IRAK3: variants seen among roughly 807,000 people sequenced by gnomAD.
The protein encoded by IRAK3 is interleukin 1 receptor associated kinase 3.
Under a neutral mutation model 56.6 loss-of-function variants are expected in IRAK3, and 57 were observed. That is an observed-to-expected ratio of 1.01 (90% confidence interval 0.81 to 1.26). The LOEUF (loss-of-function observed/expected upper bound fraction) is 1.26. Among genes scored for constraint, IRAK3 ranks in the 50% most tolerant of loss-of-function variants. IRAK3 has a pLI of 0.00. For missense variants in IRAK3, 703 were observed against 719.0 expected (o/e 0.98, Z 0.25); for synonymous variants, 258 against 255.7 (o/e 1.01, Z -0.09).
At chr12:66,215,988 T>C (rs1010781257) in intron 5 of IRAK3, among the ~76,000 whole-genome samples, 38 of 152,256 alleles carry the variant, frequency 2.5e-4, no homozygotes, top group African/African-American at 8.9e-4. Context: ...TCTCTAACTT[T>C]AATCACCTGG....
At chr12:66,245,562 G>C (rs1306031201) in intron 11 of IRAK3, among the ~76,000 whole-genome samples, 8 of 51,132 alleles carry the variant, frequency 1.6e-4, no homozygotes, top group Admixed American at 5.2e-4. Flanking sequence ...TTTGGAGACA[G>C]AGTCTCACTC....
rs11465949 is a variant in IRAK3, at chr12:66,205,571, G to A, written c.316+1678G>A. The stretch of plus-strand genomic sequence containing the variant: ...CATAAGTGTAGCTTGCTCAACAGGC[G>A]TTTCCTATCATAGCTACTCATTAAA... On this transcript the variant is annotated intron_variant, in intron 2 of 11. Coordinates refer to ENST00000261233, the MANE Select transcript of IRAK3 (RefSeq NM_007199.3). Among the ~76,000 whole-genome samples, 823 of 152,240 alleles carry A rather than the reference G, an allele frequency of 5.4e-3. 13 individuals carry two copies. Among genetic ancestry groups the A allele is most frequent in the African/African-American group, 0.018 (749 of 41,552 alleles).
rs1478233040 is a variant in IRAK3 at position 66,217,213 on chromosome 12, T to C, written c.631T>C (p.Ser211Pro). 6.2e-7 allele frequency: 1 copy of C among 1,611,736 alleles called. No homozygotes were observed. Among genetic ancestry groups the C allele is most frequent in the Admixed American group, 1.7e-5 (1 of 59,994 alleles). Residue 211 changes from serine to proline, a missense_variant, in exon 6 of 12, where the codon TCT becomes CCT. Physicochemically the swap from Ser to Pro is moderately conservative, Grantham distance 74. Coordinates refer to ENST00000261233, the MANE Select transcript of IRAK3 (RefSeq NM_007199.3). ...QCKKHWKRFL[S>P]ELEVLLLFHH... ...TAAGAAGCATTGGAAGAGGTTTTTA[T>C]CTGAGCTTGAAGTTTTACTACTGTG...
chr12:66,230,130 G>A (rs1565808360), intron 8 of IRAK3, among the ~76,000 whole-genome samples: 3 of 152,266 alleles, frequency 2.0e-5, no homozygotes, highest in South Asian at 2.1e-4. Context: ...CCCATGTCCC[G>A]TTCTTTTTCA....
chr12:66,223,817 C>T (rs2052759956), intron 6 of IRAK3, among the ~76,000 whole-genome samples: 1 of 150,886 alleles, frequency 6.6e-6, no homozygotes, highest in Non-Finnish European at 1.5e-5. Flanking sequence ...GGGTTCACGC[C>T]ATTCTTCTGC....
At chr12:66,189,491 C>T in intron 1 of IRAK3, 59 bp downstream of exon 1, 1 of 1,084,864 alleles carries the variant, frequency 9.2e-7, no homozygotes, top group South Asian at 4.5e-5. Context: ...GCGGGGCCCG[C>T]TCGGCGTCGC....
intron 8 of IRAK3, among the ~76,000 whole-genome samples, chr12:66,229,099 A>C (rs1360743850): frequency 6.6e-6 from 1 of 152,190 alleles, no homozygotes; most frequent in African/African-American, 2.4e-5. Flanking sequence ...ATTCCTAGCA[A>C]GCTGGCAGTA....
chr12:66,225,097 T>G (rs2052771918), intron 6 of IRAK3, among the ~76,000 whole-genome samples: 1 of 152,252 alleles, frequency 6.6e-6, no homozygotes, highest in Middle Eastern at 3.4e-3. Context: ...TGTTCTTTTC[T>G]CCTCTCTGAG....
chr12:66,191,582 C>T (rs1470770893), intron 1 of IRAK3, among the ~76,000 whole-genome samples: 2 of 152,182 alleles, frequency 1.3e-5, no homozygotes, highest in Admixed American at 1.3e-4. Context: ...CTACTGACTG[C>T]CTGGACTACT....
In IRAK3 at chr12:66,220,282, C is replaced by T. The variant is rs1227002762; in HGVS notation, c.653+3047C>T. Among the ~76,000 whole-genome samples the T allele has an allele frequency of 4.0e-5, 6 of 151,868 alleles. No individual in the cohort carries two copies. The South Asian group carries it at 8.3e-4, about 21-fold the overall frequency. The stretch of plus-strand genomic sequence containing the variant: ...TTTGTATGTGGGTATTCAGTTTTCC[C>T]AACACCATTTATTGAAGATAATTTT... On this transcript the variant is annotated intron_variant, in intron 6 of 11. Coordinates refer to ENST00000261233, the MANE Select transcript of IRAK3 (RefSeq NM_007199.3).
At chr12:66,209,562 G>A (rs1489630521) in intron 3 of IRAK3, 42 bp downstream of exon 3, 1 of 1,195,982 alleles carries the variant, frequency 8.4e-7, no homozygotes, top group South Asian at 1.2e-5. Context: ...GAACTTTGTT[G>A]CATGTATAAT....
At chr12:66,194,601 G>C (rs2052431916) in intron 1 of IRAK3, among the ~76,000 whole-genome samples, 1 of 152,154 alleles carries the variant, frequency 6.6e-6, no homozygotes, top group African/African-American at 2.4e-5. Context: ...GCTGAGGCGG[G>C]TGGATTGCTT....
At chr12:66,244,785 C>T in intron 9 of IRAK3, 101 bp downstream of exon 9, 21 of 1,130,630 alleles carry the variant, frequency 1.9e-5, no homozygotes, top group Non-Finnish European at 2.5e-5. Context: ...TCATTGATTT[C>T]CTGTTAGCTC....
rs893031550 is a variant in IRAK3, at chr12:66,226,791, A to G, written c.722A>G (p.Tyr241Cys). 3 of 1,609,706 alleles carry G rather than the reference A, an allele frequency of 1.9e-6. No homozygotes were observed. Among genetic ancestry groups the G allele is most frequent in the South Asian group, 2.2e-5 (2 of 91,012 alleles). Reference sequence around the variant, plus strand: ...GAGACTGAGAAGTTCTGTCTGATTTATCCATACATGAGAAATGGAACACTT... The same window carrying G: ...GAGACTGAGAAGTTCTGTCTGATTTGTCCATACATGAGAAATGGAACACTT... Reference protein sequence around the residue: ...FTETEKFCLIYPYMRNGTLFD... With the variant: ...FTETEKFCLICPYMRNGTLFD... The change falls in exon 7 of 12, where the codon TAT becomes TGT. Residue 241 changes from tyrosine to cysteine, a missense_variant. Physicochemically the swap from Tyr to Cys is radical, Grantham distance 194 (BLOSUM62 -2). Transcript: ENST00000261233.
Position 66,245,167 on chromosome 12 carries a change from G to A in IRAK3, c.1219G>A (p.Val407Met), listed in dbSNP as rs2053015827. ...DSCLSFLDKK[V>M]PPCPRNFSAK... ...ATGTCTCTCATTTCTAGATAAGAAA[G>A]TGCCTCCCTGCCCTCGGAATTTCTC... Residue 407 changes from valine (V) to methionine (M), a missense_variant, in exon 11 of 12, where the codon GTG becomes ATG. Val to Met is a conservative substitution (Grantham distance 21). Coordinates refer to ENST00000261233, the MANE Select transcript of IRAK3 (RefSeq NM_007199.3). 1 of 1,614,032 alleles carries A rather than the reference G, an allele frequency of 6.2e-7. No individual in the cohort carries two copies.
Position 66,189,245 on chromosome 12 carries a change from C to T in IRAK3, c.-55C>T. 6.5e-7 allele frequency: 1 copy of T among 1,529,384 alleles called. No homozygotes were observed. Among genetic ancestry groups the T allele is most frequent in the Non-Finnish European group, 8.8e-7 (1 of 1,142,726 alleles). 94.7% of individuals were successfully genotyped at this position (1,529,384 alleles called of 1,614,324 possible). The stretch of plus-strand genomic sequence containing the variant: ...TCCGCGGTTGTGTAACGGCCTGTCG[C>T]AGGCGTGCAGGGACCTGGACTCCGC... On this transcript the variant is annotated 5_prime_UTR_variant, in exon 1 of 12. Transcript: ENST00000261233.
intron 1 of IRAK3, among the ~76,000 whole-genome samples, chr12:66,190,063 C>G (rs2052384891): frequency 6.6e-6 from 1 of 152,182 alleles, no homozygotes; most frequent in Non-Finnish European, 1.5e-5. Flanking sequence ...CAACTGCCTG[C>G]TGGAAGTGTT....
intron 1 of IRAK3, among the ~76,000 whole-genome samples, chr12:66,201,391 A>T (rs1484441225): frequency 6.6e-6 from 1 of 152,202 alleles, no homozygotes; most frequent in African/African-American, 2.4e-5. Context: ...GTGGGATTTT[A>T]TCCAGAGACT....
chr12:66,226,661 GTGT>G, intron 6 of IRAK3, 59 bp from the exon 7 acceptor site: 1 of 920,688 alleles, frequency 1.1e-6, no homozygotes, highest in Non-Finnish European at 1.8e-6. Flanking sequence ...CCACACCAGT[GTGT>G]TGTTCATTTC....
Sources: allele counts gnomAD v4.1 joint callset (sites outside exome capture counted in the v4.1 genomes callset), GRCh38; gene constraint gnomAD v4.1.1; transcripts MANE v1.5; gene names NCBI Gene and HGNC (gene_info 2026-07-23, HGNC 2026-07-21).